Variants in ROBO2 observed in about 807,000 individuals in gnomAD.
The protein encoded by ROBO2 is roundabout guidance receptor 2, also known as roundabout homolog 2.
ROBO2 carries 53 observed loss-of-function variants against 160.8 expected under a neutral mutation model. The observed-to-expected ratio is 0.33, with a 90% CI of 0.26 to 0.41. ROBO2 has a LOEUF of 0.41. Ranked by LOEUF, ROBO2 falls within the 10% of genes least tolerant of loss-of-function variation. The probability of loss-of-function intolerance (pLI) is 1.00; values close to 1 mark genes in which losing one functional copy is unlikely to be tolerated. For synonymous variants in ROBO2, 664 were observed against 611.7 expected, an observed-to-expected ratio of 1.09 and a Z score of -1.26; for missense variants, 1,577 against 1,722.4, an observed-to-expected ratio of 0.92 and a Z score of 1.49.
chr3:77,292,322 G>A (rs1373407709), intron 2 of ROBO2, among the ~76,000 whole-genome samples: 15 of 151,382 alleles, frequency 9.9e-5, no homozygotes, highest in Non-Finnish European at 2.1e-4. Context: ...ATAGGAAGTT[G>A]AGGCTGGAAC....
chr3:76,239,410 A>T (rs1471054985), intron 2 of ROBO2, among the ~76,000 whole-genome samples: 1 of 152,018 alleles, frequency 6.6e-6, no homozygotes, highest in African/African-American at 2.4e-5. Context: ...ATGTGTATAT[A>T]AGTATGTATA....
intron 2 of ROBO2, among the ~76,000 whole-genome samples, chr3:76,716,851 C>T (rs1245307722): frequency 6.6e-6 from 1 of 152,194 alleles, no homozygotes; most frequent in Non-Finnish European, 1.5e-5. Context: ...CATTAACTGA[C>T]TCTAGCAAAT....
intron 2 of ROBO2, among the ~76,000 whole-genome samples, chr3:77,157,136 C>A (rs2078085309): frequency 6.6e-6 from 1 of 152,114 alleles, no homozygotes; most frequent in Non-Finnish European, 1.5e-5. Context: ...TATTGTTATA[C>A]CACTGATTAT....
At chr3:76,985,809 T>C (rs980503810) in intron 2 of ROBO2, among the ~76,000 whole-genome samples, 17 of 152,050 alleles carry the variant, frequency 1.1e-4, no homozygotes, top group African/African-American at 3.9e-4. Flanking sequence ...GTTTCAACAA[T>C]AACATATATG....
chr3:76,891,569 T>C lies in ROBO2; in HGVS notation c.110-206445T>C, dbSNP rs114864883. Among the ~76,000 whole-genome samples the C allele has an allele frequency of 6.9e-3, 1,043 of 151,678 alleles. 4 individuals are homozygous for C. The highest frequency in any genetic ancestry group is 0.011 in the Non-Finnish European group (780 of 67,878). ...GAAAGAGTGTTCAAGCAAGCTCCAG[T>C]TGATGGTATTTCAAGACACAAAAGG... On this transcript the variant is annotated intron_variant, in intron 2 of 26. Transcript: ENST00000487694.
intron 2 of ROBO2, among the ~76,000 whole-genome samples, chr3:75,939,263 G>C (rs1262995672): frequency 1.3e-5 from 2 of 152,160 alleles, no homozygotes; most frequent in African/African-American, 4.8e-5. Flanking sequence ...ACACAGGGTT[G>C]CTAAAACCTT....
chr3:75,987,174 T>C (rs2065436856), intron 2 of ROBO2, among the ~76,000 whole-genome samples: 1 of 151,954 alleles, frequency 6.6e-6, no homozygotes, highest in African/African-American at 2.4e-5. Flanking sequence ...ATCTTAAAAA[T>C]ATTAAGTCTT....
At chr3:77,361,495 C>T (rs2069983481) in intron 2 of ROBO2, among the ~76,000 whole-genome samples, 1 of 152,120 alleles carries the variant, frequency 6.6e-6, no homozygotes. Context: ...AGACCTTAGG[C>T]TGAGTAATTT....
intron 1 of ROBO2, among the ~76,000 whole-genome samples, chr3:77,074,250 G>T (rs144176726): frequency 5.9e-5 from 9 of 152,156 alleles, no homozygotes; most frequent in Non-Finnish European, 1.2e-4. Context: ...CACTGATAGG[G>T]CTACCTTTAA....
chr3:76,325,891 A>G (rs1461082196), intron 2 of ROBO2, among the ~76,000 whole-genome samples: 1 of 151,880 alleles, frequency 6.6e-6, no homozygotes, highest in Non-Finnish European at 1.5e-5. Context: ...AGGTGGATTG[A>G]AGTTATCATT....
chr3:77,317,300 C>T (rs1484404041), intron 2 of ROBO2: 3 of 753,452 alleles, frequency 4.0e-6, no homozygotes, highest in Non-Finnish European at 7.1e-6. Context: ...TGTTAGGTGA[C>T]GAGGATGAAT....
intron 2 of ROBO2, among the ~76,000 whole-genome samples, chr3:77,105,945 G>A (rs974477291): frequency 6.6e-6 from 1 of 152,174 alleles, no homozygotes; most frequent in Non-Finnish European, 1.5e-5. Flanking sequence ...GATAAAATAT[G>A]TTGAGGTCTG....
At chr3:76,122,904 C>T (rs954174837) in intron 2 of ROBO2, among the ~76,000 whole-genome samples, 6 of 152,082 alleles carry the variant, frequency 3.9e-5, no homozygotes, top group Non-Finnish European at 8.8e-5. Context: ...ATTGCCACCA[C>T]ATCCGGCTAA....
chr3:76,320,591 T>C (rs1295343262), intron 2 of ROBO2, among the ~76,000 whole-genome samples: 7 of 152,196 alleles, frequency 4.6e-5, no homozygotes, highest in African/African-American at 1.7e-4. Context: ...TCTAATGTAA[T>C]AGTTGGCAGC....
chr3:76,495,588 T>C (rs909816086), intron 2 of ROBO2, among the ~76,000 whole-genome samples: 2 of 136,512 alleles, frequency 1.5e-5, no homozygotes, highest in East Asian at 4.6e-4. Flanking sequence ...TAGACCATTT[T>C]CTAGTTTTTT....
chr3:77,034,978 G>A (rs1333992883), upstream of ROBO2, among the ~76,000 whole-genome samples: 1 of 151,808 alleles, frequency 6.6e-6, no homozygotes, highest in Admixed American at 6.6e-5. Context: ...CTTGATATCA[G>A]TAACAAGAAA....
intron 2 of ROBO2, among the ~76,000 whole-genome samples, chr3:76,535,275 G>C (rs764815917): frequency 1.3e-5 from 2 of 152,068 alleles, no homozygotes; most frequent in Non-Finnish European, 1.5e-5. Flanking sequence ...GGACTTGTCT[G>C]GTTTCTGGAT....
chr3:77,201,520 G>A (rs1376175214), intron 2 of ROBO2, among the ~76,000 whole-genome samples: 1 of 152,108 alleles, frequency 6.6e-6, no homozygotes, highest in Non-Finnish European at 1.5e-5. Flanking sequence ...CTGAACCTTT[G>A]AAGACCAAGG....
At chr3:76,727,566 T>A (rs267117) in intron 2 of ROBO2, among the ~76,000 whole-genome samples, 2,084 of 152,050 alleles carry the variant, frequency 0.014, 55 homozygotes, top group African/African-American at 0.048. Flanking sequence ...TCTTCAACCA[T>A]AAAAAAGAAT....
Sources: allele counts gnomAD v4.1 joint callset (sites outside exome capture counted in the v4.1 genomes callset), GRCh38; gene constraint gnomAD v4.1.1; transcripts MANE v1.5; gene names NCBI Gene and HGNC (gene_info 2026-07-23, HGNC 2026-07-21).